Variants in SPCS3 observed in about 807,000 individuals in gnomAD.
SPCS3 encodes the protein signal peptidase complex subunit 3, also known as SPase 22 kDa subunit.
Under a neutral mutation model 17.2 loss-of-function variants are expected in SPCS3, and 9 were observed. That is an observed-to-expected ratio of 0.52 (90% CI 0.31 to 0.91). The LOEUF is 0.91. Among genes scored for constraint, SPCS3 ranks in the 40% least tolerant of loss-of-function variants. The pLI is 0.04. For synonymous variants in SPCS3, 87 were observed against 89.6 expected (o/e 0.97, Z 0.16); for missense variants, 139 against 217.5 (o/e 0.64, Z 2.27).
rs933507434 is a variant in SPCS3 at position 176,328,094 on chromosome 4, T to C, written c.411-104T>C. 7.7e-6 allele frequency: 8 copies of C among 1,040,036 alleles called. No individual in the cohort carries two copies. In the African/African-American group the frequency reaches 8.2e-5, roughly 11 times the overall value. 64.4% of individuals were successfully genotyped at this position (1,040,036 alleles called of 1,614,324 possible). On this transcript the variant is annotated intron_variant, in intron 4 of 4. Coordinates refer to ENST00000503362, the MANE Select transcript of SPCS3 (RefSeq NM_021928.4). ...AACATATTAGGATTTCTGTTAGGAA[T>C]AGATGGTTATAAATAAAGTATTTGA...
At chr4:176,321,696 C>A (rs963317428) in intron 1 of SPCS3, 2 of 152,536 alleles carry the variant, frequency 1.3e-5, no homozygotes, top group Admixed American at 1.3e-4. Flanking sequence ...TCTCTTTCCC[C>A]TTCTCTCAAA....
rs533290355 is a variant in SPCS3, at chr4:176,319,993, G to C, written c.-84G>C. ...TCCCGGAACGCGCGCACCGCAGACG[G>C]CGCGGATCGCAGGGAGCCGGTCCGC... On this transcript the variant is annotated 5_prime_UTR_variant, in exon 1 of 5. Transcript: ENST00000503362. The C allele has an allele frequency of 3.3e-5, 45 of 1,381,870 alleles. No individual in the cohort carries two copies. The African/African-American group carries it at 5.6e-4, about 17-fold the overall frequency. The allele number at this position is 1,381,870 out of a possible 1,614,324, so 85.6% of individuals were successfully genotyped here.
At chr4:176,327,085 C>A in intron 3 of SPCS3, 77 bp from the exon 4 acceptor site, 1 of 826,272 alleles carries the variant, frequency 1.2e-6, no homozygotes, top group Non-Finnish European at 1.9e-6. Context: ...AAACTATTTG[C>A]TTACTAATAC....
rs1456771810 is a variant in SPCS3, at chr4:176,331,088, G to C, written c.*2758G>C. 6.6e-6 allele frequency: 1 copy of C among 152,020 alleles called. No homozygotes were observed. Among genetic ancestry groups the C allele is most frequent in the Non-Finnish European group, 1.5e-5 (1 of 68,018 alleles). 9.4% of individuals were successfully genotyped at this position (152,020 alleles called of 1,614,324 possible). ...GGTGGGTCTCGTCAGCCAATTCATA[G>C]CTGGGCTTTAAGATTATCATCTTAG... On this transcript the variant is annotated 3_prime_UTR_variant, in exon 5 of 5. Coordinates refer to ENST00000503362, the MANE Select transcript of SPCS3 (RefSeq NM_021928.4).
At chr4:176,326,965 C>G (rs758951515) in intron 3 of SPCS3, 197 bp from the exon 4 acceptor site, 3 of 407,250 alleles carry the variant, frequency 7.4e-6, no homozygotes, top group Non-Finnish European at 1.3e-5. Context: ...AGGGAATTGT[C>G]ATTCTTCTCT....
chr4:176,328,375 G>T lies in SPCS3; in HGVS notation c.*45G>T. 13 of 1,352,034 alleles carry T rather than the reference G, an allele frequency of 9.6e-6. No homozygotes were observed. The highest frequency in any genetic ancestry group is 2.0e-4 in the Middle Eastern group (1 of 5,102). The allele number at this position is 1,352,034 out of a possible 1,614,324, so 83.8% of individuals were successfully genotyped here. A position where few individuals can be genotyped will look rare whatever the true frequency, so the allele number is the denominator to read the frequency against. On this transcript the variant is annotated 3_prime_UTR_variant, in exon 5 of 5. Transcript: ENST00000503362. ...AACATATTTTTATACTTAATGAATTGTATCTCATTAATCTCTTCCCTTACA... is the reference window on the plus strand; with the variant it reads ...AACATATTTTTATACTTAATGAATTTTATCTCATTAATCTCTTCCCTTACA...
At chr4:176,323,380 A>G (rs914125388) in intron 2 of SPCS3, among the ~76,000 whole-genome samples, 2 of 152,132 alleles carry the variant, frequency 1.3e-5, no homozygotes, top group African/African-American at 4.8e-5. Flanking sequence ...TGCTGCTGCT[A>G]CTACTACTTG....
intron 3 of SPCS3, chr4:176,326,913 C>G (rs188429727): frequency 9.7e-4 from 256 of 263,058 alleles, no homozygotes; most frequent in Non-Finnish European, 1.6e-3. Context: ...TATGAAGGCA[C>G]TAAGTAATAC....
chr4:176,325,050 TAC>T (rs377233589), intron 3 of SPCS3, among the ~76,000 whole-genome samples: 4,089 of 146,378 alleles, frequency 0.028, 65 homozygotes, highest in Middle Eastern at 0.054. Context: ...TTTTTTTTTT[TAC>T]TTTTTTTTTT....
rs543589789 is a variant in SPCS3, at chr4:176,324,661, C to T, written c.294+404C>T. Among the ~76,000 whole-genome samples the T allele has an allele frequency of 2.6e-5, 4 of 152,342 alleles. No homozygotes were observed. In the East Asian group the frequency reaches 5.8e-4, roughly 22 times the overall value. On this transcript the variant is annotated intron_variant, in intron 3 of 4. Transcript: ENST00000503362. ...TACCTAGTATTTATTCATTTGCTTT[C>T]AGCATGTTGTAAAATATTGCAGTAT...
rs556880811 is a variant in SPCS3, at chr4:176,331,506, T to C, written c.*3176T>C. On this transcript the variant is annotated 3_prime_UTR_variant, in exon 5 of 5. Transcript: ENST00000503362. ...ATGTTTTTGATGCAATTTGGGAAAT[T>C]GTTTACTTCACAATGTAGTCATTCA... 2 of 152,340 alleles carry C rather than the reference T, an allele frequency of 1.3e-5. No individual in the cohort carries two copies. Among genetic ancestry groups the C allele is most frequent in the African/African-American group, 4.8e-5 (2 of 41,582 alleles). 9.4% of individuals were successfully genotyped at this position (152,340 alleles called of 1,614,324 possible).
intron 2 of SPCS3, 112 bp from the exon 3 acceptor site, chr4:176,324,068 CG>C (rs2127000670): frequency 1.2e-5 from 6 of 499,836 alleles, no homozygotes; most frequent in Non-Finnish European, 1.9e-5. Context: ...GTTTCTGGGC[CG>C]CCTCTTTTCT....
chr4:176,322,310 G>A, intron 2 of SPCS3, 67 bp downstream of exon 2: 2 of 1,099,656 alleles, frequency 1.8e-6, no homozygotes, highest in Non-Finnish European at 2.7e-6. Flanking sequence ...GTTGTTTAAT[G>A]ATTTGGGATA....
At chr4:176,322,969 T>C (rs1731557807) in intron 2 of SPCS3, among the ~76,000 whole-genome samples, 2 of 152,144 alleles carry the variant, frequency 1.3e-5, no homozygotes, top group African/African-American at 4.8e-5. Flanking sequence ...GTGATTTAAA[T>C]GGTTGTGGAG....
At chr4:176,328,127 GTGTT>G in intron 4 of SPCS3, 67 bp from the exon 5 acceptor site, 6 of 1,400,926 alleles carry the variant, frequency 4.3e-6, no homozygotes, top group Non-Finnish European at 5.9e-6. Context: ...TGACATCTCA[GTGTT>G]TGTCTTAAAA....
At position 176,330,824 on chromosome 4, in the gene SPCS3, A is replaced by G. The variant is rs945783427; in HGVS notation, c.*2494A>G. ...TGAGAAAAGAGAATAATTTGAAGAC[A>G]CTTATTTAAAAGTAATTATGGTTAG... On this transcript the variant is annotated 3_prime_UTR_variant, in exon 5 of 5. Coordinates refer to ENST00000503362, the MANE Select transcript of SPCS3 (RefSeq NM_021928.4). The G allele has an allele frequency of 4.6e-5, 7 of 152,348 alleles. No homozygotes were observed. Among genetic ancestry groups the G allele is most frequent in the African/African-American group, 9.6e-5 (4 of 41,582 alleles). 9.4% of individuals were successfully genotyped at this position (152,348 alleles called of 1,614,324 possible). A position where few individuals can be genotyped will look rare whatever the true frequency, so the allele number is the denominator to read the frequency against.
chr4:176,327,666 C>T (rs547591723), intron 4 of SPCS3, among the ~76,000 whole-genome samples: 98 of 152,294 alleles, frequency 6.4e-4, no homozygotes, highest in South Asian at 3.1e-3. Flanking sequence ...GTTCTCCAAA[C>T]GTGACTTCTC....
intron 4 of SPCS3, among the ~76,000 whole-genome samples, chr4:176,327,576 C>G (rs546657838): frequency 6.6e-6 from 1 of 152,282 alleles, no homozygotes; most frequent in South Asian, 2.1e-4. Flanking sequence ...CAAAGGGCTC[C>G]TTTCTGAGCG....
chr4:176,326,772 T>C (rs1731612754), intron 3 of SPCS3, among the ~76,000 whole-genome samples: 1 of 152,232 alleles, frequency 6.6e-6, no homozygotes, highest in East Asian at 1.9e-4. Flanking sequence ...CATGCTGAGC[T>C]GGAGGGTCTT....
Sources: allele counts gnomAD v4.1 joint callset (sites outside exome capture counted in the v4.1 genomes callset), GRCh38; gene constraint gnomAD v4.1.1; transcripts MANE v1.5; gene names NCBI Gene and HGNC (gene_info 2026-07-23, HGNC 2026-07-21).